The following SEM1 variants were observed in gnomAD, a reference collection of about 807,000 sequenced individuals.
SEM1 encodes 26S proteasome complex subunit SEM1.
SEM1 carries 3 observed loss-of-function variants against 12.7 expected under a neutral mutation model. That is an observed-to-expected ratio of 0.24 (90% CI 0.11 to 0.61). SEM1 has a LOEUF of 0.61. Among genes scored for constraint, SEM1 ranks in the 20% least tolerant of loss-of-function variants. The pLI is 0.88. For synonymous variants in SEM1, 30 were observed against 27.8 expected (o/e 1.08, Z -0.25); for missense variants, 59 against 81.3 (o/e 0.73, Z 1.06).
At chr7:96,572,280 C>T (rs952290175) in intron 2 of SEM1, among the ~76,000 whole-genome samples, 13 of 152,134 alleles carry the variant, frequency 8.5e-5, no homozygotes, top group Non-Finnish European at 1.2e-4. Context: ...TCTCTATCTT[C>T]TTCAGTTCTG....
intron 1 of SEM1, among the ~76,000 whole-genome samples, chr7:96,707,301 T>C (rs1790496198): frequency 6.6e-6 from 1 of 152,236 alleles, no homozygotes; most frequent in Admixed American, 6.5e-5. Context: ...TTGGTGATAT[T>C]TTCTGAAGTG....
At chr7:96,600,187 T>C (rs921968278) in intron 2 of SEM1, among the ~76,000 whole-genome samples, 1 of 152,220 alleles carries the variant, frequency 6.6e-6, no homozygotes, top group Non-Finnish European at 1.5e-5. Context: ...GTAGCAAATA[T>C]ACAGAAGCCA....
intron 2 of SEM1, among the ~76,000 whole-genome samples, chr7:96,632,292 T>G (rs1190088528): frequency 6.6e-6 from 1 of 152,116 alleles, no homozygotes; most frequent in Non-Finnish European, 1.5e-5. Context: ...TAGCAAAGAC[T>G]TGGAACCAAG....
upstream of SEM1, among the ~76,000 whole-genome samples, chr7:96,499,490 G>A (rs183100689): frequency 3.1e-3 from 473 of 152,278 alleles, 1 homozygote; most frequent in Admixed American, 5.0e-3. Flanking sequence ...GGGCAGGAGG[G>A]AACTGCATGA....
At chr7:96,612,482 C>G (rs951548911) in intron 2 of SEM1, among the ~76,000 whole-genome samples, 1 of 152,150 alleles carries the variant, frequency 6.6e-6, no homozygotes, top group East Asian at 1.9e-4. Flanking sequence ...TAGTTACCAT[C>G]TAGTAAAAGG....
At chr7:96,541,720 G>C (rs1038206074) in intron 2 of SEM1, among the ~76,000 whole-genome samples, 1 of 151,364 alleles carries the variant, frequency 6.6e-6, no homozygotes, top group Non-Finnish European at 1.5e-5. Context: ...AATTCTTATC[G>C]TTTGAAGTTT....
rs142176033 is a variant in SEM1 at position 96,526,253 on chromosome 7, C to T, written c.171-19555G>A. Among the ~76,000 whole-genome samples the T allele has an allele frequency of 6.0e-3, 910 of 151,690 alleles. 12 individuals are homozygous for T. The highest frequency in any genetic ancestry group is 0.021 in the African/African-American group (874 of 41,380). On this transcript the variant is annotated intron_variant and NMD_transcript_variant, in intron 2 of 3. Transcript: ENST00000466986. Reference sequence around the variant, plus strand: ...CAGTGATAAAACAGTTCTCTGGGCACAGGTACCTCCTTAGGCCTAAAGCAT... The same window carrying T: ...CAGTGATAAAACAGTTCTCTGGGCATAGGTACCTCCTTAGGCCTAAAGCAT...
chr7:96,695,314 C>A, intron 1 of SEM1: 1 of 153,134 alleles, frequency 6.5e-6, no homozygotes, highest in Non-Finnish European at 1.5e-5. Flanking sequence ...TAAAAGTAGA[C>A]CAAACTGTAA....
downstream of SEM1, among the ~76,000 whole-genome samples, chr7:96,670,780 T>C (rs1270370188): frequency 2.0e-5 from 3 of 152,244 alleles, no homozygotes; most frequent in African/African-American, 7.2e-5. Context: ...TCTGCAAGGA[T>C]GCCATCATGC....
chr7:96,691,610 T>C (rs1404505), intron 2 of SEM1, among the ~76,000 whole-genome samples: 138,834 of 152,288 alleles, frequency 0.91, 63,428 homozygotes, highest in Non-Finnish European at 0.95. Context: ...ACTTATGATA[T>C]TATGTTAAGG....
At chr7:96,551,892 A>C (rs1039151416) in intron 2 of SEM1, among the ~76,000 whole-genome samples, 1 of 152,146 alleles carries the variant, frequency 6.6e-6, no homozygotes, top group Non-Finnish European at 1.5e-5. Flanking sequence ...AGCCCTGCCA[A>C]CACATTTATT....
At position 96,652,111 on chromosome 7, in the gene SEM1, CTCT is replaced by C. The variant is rs1447011503; in HGVS notation, c.171-29471_171-29469del. Among the ~76,000 whole-genome samples, 3 of 152,240 alleles carry C rather than the reference CTCT, an allele frequency of 2.0e-5. No homozygotes were observed. The East Asian group carries it at 5.8e-4, about 29-fold the overall frequency. ...ATGTTGTCTGAAAAGATAAAAATGT[CTCT>C]TCATCTGCAGGATTCATTTAAATGC... On this transcript the variant is annotated intron_variant, in intron 2 of 2. Transcript: ENST00000417009.
intron 2 of SEM1, chr7:96,649,569 T>C (rs775854593): frequency 2.6e-5 from 4 of 152,206 alleles, no homozygotes; most frequent in Non-Finnish European, 5.9e-5. Context: ...TTTTCAACTA[T>C]ACCCCAAGCC....
chr7:96,648,966 C>T (rs1376644865), intron 2 of SEM1, among the ~76,000 whole-genome samples: 1 of 152,172 alleles, frequency 6.6e-6, no homozygotes, highest in Non-Finnish European at 1.5e-5. Flanking sequence ...TGTGAACCAC[C>T]CTGAGGAGGT....
intron 2 of SEM1, among the ~76,000 whole-genome samples, chr7:96,566,919 T>C (rs1427035477): frequency 6.6e-6 from 1 of 151,676 alleles, no homozygotes; most frequent in Non-Finnish European, 1.5e-5. Flanking sequence ...TTTGAAATAC[T>C]TCTTTGATAA....
intron 2 of SEM1, among the ~76,000 whole-genome samples, chr7:96,519,934 G>A (rs1205795654): frequency 2.0e-5 from 3 of 152,054 alleles, no homozygotes; most frequent in Non-Finnish European, 4.4e-5. Context: ...GGGAAAGAAG[G>A]GGCCTCTTGA....
chr7:96,635,107 G>A (rs898427847), intron 2 of SEM1, among the ~76,000 whole-genome samples: 2 of 151,944 alleles, frequency 1.3e-5, no homozygotes, highest in African/African-American at 4.8e-5. Flanking sequence ...AATTAATTTG[G>A]GATATGTTTT....
At chr7:96,654,139 G>C (rs1245600141) in intron 2 of SEM1, among the ~76,000 whole-genome samples, 1 of 152,192 alleles carries the variant, frequency 6.6e-6, no homozygotes, top group African/African-American at 2.4e-5. Context: ...ATTCAATGTT[G>C]TGCAAACAAT....
rs1804250553 is a variant in SEM1, at chr7:96,521,027, C to A, written c.171-14329G>T. Among the ~76,000 whole-genome samples the A allele has an allele frequency of 2.6e-5, 4 of 152,084 alleles. No homozygotes were observed. In the South Asian group the frequency reaches 8.3e-4, roughly 32 times the overall value. ...CAGGCAAACAAAACAGGTTATTTTG[C>A]TGCAAAACCTCACAAAAAAAAGGGG... is the stretch of plus-strand genomic sequence containing the variant. On this transcript the variant is annotated intron_variant and NMD_transcript_variant, in intron 2 of 3. Transcript: ENST00000466986.
Sources: gnomAD v4.1 joint callset for allele counts (sites outside exome capture counted in the v4.1 genomes callset) on GRCh38, gnomAD v4.1.1 for gene constraint, MANE v1.5 for transcripts, NCBI Gene and HGNC (gene_info 2026-07-23, HGNC 2026-07-21) for gene names.